NRG3: variants seen among roughly 807,000 people sequenced by gnomAD.
NRG3 encodes neuregulin 3.
NRG3 carries 31 observed loss-of-function variants against 66.9 expected under a neutral mutation model. The observed-to-expected ratio is 0.46, with a 90% CI of 0.35 to 0.63. The LOEUF (loss-of-function observed/expected upper bound fraction) is 0.63. NRG3 is among the 20% of genes least tolerant of loss of function. The pLI is 0.00. For synonymous variants in NRG3, 393 were observed against 359.4 expected (o/e 1.09, Z -1.06); for missense variants, 910 against 878.9 (o/e 1.04, Z -0.45).
chr10:82,597,791 T>C (rs1345718670), intron 2 of NRG3, among the ~76,000 whole-genome samples: 1 of 151,822 alleles, frequency 6.6e-6, no homozygotes, highest in Admixed American at 6.6e-5. Flanking sequence ...CATGGTGGCA[T>C]GTGCCTGTAG....
intron 2 of NRG3, among the ~76,000 whole-genome samples, chr10:82,713,049 G>A (rs529941602): frequency 1.3e-5 from 2 of 149,834 alleles, no homozygotes; most frequent in South Asian, 4.3e-4. Flanking sequence ...GAATCGGGGA[G>A]GTGGAGGTTG....
chr10:82,263,733 A>T (rs1420750839), intron 1 of NRG3, among the ~76,000 whole-genome samples: 3 of 152,136 alleles, frequency 2.0e-5, no homozygotes, highest in Admixed American at 1.3e-4. Context: ...CCCTTTCCCA[A>T]GGGATGACAT....
intron 2 of NRG3, among the ~76,000 whole-genome samples, chr10:82,676,846 C>A (rs1360973694): frequency 6.6e-6 from 1 of 150,558 alleles, no homozygotes; most frequent in Non-Finnish European, 1.5e-5. Context: ...GTTTTTTTTT[C>A]TATTGTAGTT....
rs747023843 is a variant in NRG3, at chr10:81,932,206, GAGAA to G, written c.823+56047_823+56050del. On this transcript the variant is annotated intron_variant, in intron 1 of 8. Transcript: ENST00000372141. ...GAGAGAGAGAGGAGAGAGAGATTGA[GAGAA>G]AGAGAGAGAGAGAGAGATTGAGAGA... is the stretch of plus-strand genomic sequence containing the variant. Among the ~76,000 whole-genome samples the G allele has an allele frequency of 3.7e-3, 475 of 128,022 alleles. 2 individuals are homozygous for G. Among genetic ancestry groups the G allele is most frequent in the Non-Finnish European group, 5.6e-3 (352 of 62,772 alleles). The allele number at this position is 128,022 out of a possible 152,430, so 84.0% of individuals were successfully genotyped here.
intron 1 of NRG3, among the ~76,000 whole-genome samples, chr10:82,002,346 T>G (rs145463607): frequency 6.6e-6 from 1 of 152,326 alleles, no homozygotes; most frequent in African/African-American, 2.4e-5. Flanking sequence ...TGTCTTACCT[T>G]TGATTCCTGT....
chr10:82,878,159 A>ATTT (rs1017414682), intron 4 of NRG3, among the ~76,000 whole-genome samples: 2 of 152,212 alleles, frequency 1.3e-5, no homozygotes, highest in Admixed American at 6.5e-5. Context: ...AAAAGGAAGA[A>ATTT]TAAAGGGAAA....
intron 1 of NRG3, among the ~76,000 whole-genome samples, chr10:82,268,520 C>T (rs936293618): frequency 2.6e-5 from 4 of 152,066 alleles, no homozygotes; most frequent in African/African-American, 7.2e-5. Context: ...ATTTGAAAAT[C>T]GCAAAATATT....
intron 1 of NRG3, among the ~76,000 whole-genome samples, chr10:82,348,185 TG>T (rs1158155912): frequency 6.6e-6 from 1 of 152,248 alleles, no homozygotes; most frequent in Non-Finnish European, 1.5e-5. Flanking sequence ...CATTTTGGCA[TG>T]ATTTTGCAGC....
At chr10:81,973,441 G>A (rs1438378153) in intron 1 of NRG3, among the ~76,000 whole-genome samples, 2 of 152,148 alleles carry the variant, frequency 1.3e-5, no homozygotes, top group Non-Finnish European at 2.9e-5. Flanking sequence ...GGATTGTTGG[G>A]TCAAATAATA....
chr10:82,491,979 C>T (rs903739466), intron 2 of NRG3, among the ~76,000 whole-genome samples: 1 of 152,136 alleles, frequency 6.6e-6, no homozygotes, highest in South Asian at 2.1e-4. Flanking sequence ...CTCTAATTGC[C>T]CTAAGATTAA....
intron 1 of NRG3, among the ~76,000 whole-genome samples, chr10:82,090,214 TA>T (rs1367562661): frequency 6.6e-6 from 1 of 152,250 alleles, no homozygotes; most frequent in Non-Finnish European, 1.5e-5. Context: ...CTATATTTTT[TA>T]TTGAGAATAC....
At chr10:82,106,508 C>CT (rs542988401) in intron 1 of NRG3, among the ~76,000 whole-genome samples, 3,521 of 142,508 alleles carry the variant, frequency 0.025, 92 homozygotes, top group African/African-American at 0.063. Flanking sequence ...CATAATTAGA[C>CT]TTTTTTTTTT....
chr10:82,617,612 C>T (rs561254610), intron 2 of NRG3, among the ~76,000 whole-genome samples: 1 of 152,110 alleles, frequency 6.6e-6, no homozygotes, highest in South Asian at 2.1e-4. Flanking sequence ...AAAAGAAAAT[C>T]ACAAATTGCT....
chr10:82,052,859 T>G (rs1468887424), intron 1 of NRG3, among the ~76,000 whole-genome samples: 4 of 152,142 alleles, frequency 2.6e-5, no homozygotes. Context: ...AAAGTTTTCT[T>G]TTGGTCTTGT....
chr10:82,279,173 C>G (rs538971165), intron 1 of NRG3, among the ~76,000 whole-genome samples: 1 of 152,208 alleles, frequency 6.6e-6, no homozygotes, highest in East Asian at 1.9e-4. Context: ...TTGGAGATGT[C>G]ATTACCAAAT....
intron 1 of NRG3, among the ~76,000 whole-genome samples, chr10:82,226,422 C>A (rs1452757781): frequency 2.0e-5 from 3 of 152,090 alleles, no homozygotes; most frequent in Admixed American, 2.0e-4. Context: ...GGAGGCACAC[C>A]CTCCAATGCT....
At chr10:82,496,363 G>A (rs1564990920) in intron 2 of NRG3, among the ~76,000 whole-genome samples, 1 of 152,096 alleles carries the variant, frequency 6.6e-6, no homozygotes, top group South Asian at 2.1e-4. Context: ...AGCTACTTTG[G>A]ATGTGAGATG....
At chr10:82,160,076 C>T (rs191690732) in intron 1 of NRG3, among the ~76,000 whole-genome samples, 10 of 151,980 alleles carry the variant, frequency 6.6e-5, no homozygotes, top group Admixed American at 5.9e-4. Context: ...CTCACATAGC[C>T]TGTAAGAATT....
At chr10:82,256,437 C>T (rs972830555) in intron 1 of NRG3, among the ~76,000 whole-genome samples, 5 of 152,096 alleles carry the variant, frequency 3.3e-5, no homozygotes, top group Admixed American at 2.0e-4. Context: ...TTGTATGGCT[C>T]ACTGCCCTCT....
Sources: allele counts gnomAD v4.1 joint callset (sites outside exome capture counted in the v4.1 genomes callset), GRCh38; gene constraint gnomAD v4.1.1; transcripts MANE v1.5; gene names NCBI Gene and HGNC (gene_info 2026-07-23, HGNC 2026-07-21).